Variants in NDRG2 observed in about 807,000 individuals in gnomAD.
NDRG2 encodes the protein NDRG family member 2, also known as protein NDRG2.
In NDRG2, 34 loss-of-function variants were observed where a neutral mutation model predicts 58.2. That is an observed-to-expected ratio of 0.58 (90% CI 0.44 to 0.78). The LOEUF (loss-of-function observed/expected upper bound fraction) is 0.78, where lower values mean the gene tolerates loss of function less well. Among genes scored for constraint, NDRG2 ranks in the 30% least tolerant of loss-of-function variants. The pLI, the probability that NDRG2 is intolerant of heterozygous loss-of-function variation, is 0.00. For missense variants in NDRG2, 434 were observed against 471.2 expected, an observed-to-expected ratio of 0.92 and a Z score of 0.73; for synonymous variants, 187 against 175.9, an observed-to-expected ratio of 1.06 and a Z score of -0.50.
chr14:21,050,040 G>T (rs2139133630), intron 1 of NDRG2, among the ~76,000 whole-genome samples: 1 of 152,286 alleles, frequency 6.6e-6, no homozygotes, highest in Non-Finnish European at 1.5e-5. Context: ...CTCCCAAAGT[G>T]TTGGGATTAC....
intron 6 of NDRG2, 79 bp from the exon 7 acceptor site, chr14:21,020,923 A>C: frequency 6.8e-7 from 1 of 1,468,354 alleles, no homozygotes; most frequent in Non-Finnish European, 9.4e-7. Context: ...CAAACTCTTC[A>C]CCCTCCCTCC....
chr14:21,031,478 T>C (rs1884134616), intron 1 of NDRG2, among the ~76,000 whole-genome samples: 2 of 152,206 alleles, frequency 1.3e-5, no homozygotes, highest in South Asian at 4.1e-4. Flanking sequence ...CCACTCCTCT[T>C]CCAATTCTTA....
At chr14:21,044,809 T>C (rs1049460688) in intron 1 of NDRG2, among the ~76,000 whole-genome samples, 1 of 152,098 alleles carries the variant, frequency 6.6e-6, no homozygotes, top group Non-Finnish European at 1.5e-5. Flanking sequence ...TATAAGACAT[T>C]CCCAACCCTG....
chr14:21,034,134 C>G, intron 1 of NDRG2: 4 of 1,614,174 alleles, frequency 2.5e-6, no homozygotes, highest in Non-Finnish European at 3.4e-6. Context: ...CAGACCATTA[C>G]AATAGCCCCG....
intron 1 of NDRG2, among the ~76,000 whole-genome samples, chr14:21,066,570 G>A (rs1162536346): frequency 1.3e-5 from 2 of 152,216 alleles, no homozygotes; most frequent in African/African-American, 4.8e-5. Context: ...TCTTGACCAC[G>A]TGATCCACCT....
chr14:21,020,924 C>A (rs1727206403), intron 6 of NDRG2, 80 bp from the exon 7 acceptor site: 1 of 1,468,336 alleles, frequency 6.8e-7, no homozygotes, highest in Admixed American at 1.7e-5. Context: ...AAACTCTTCA[C>A]CCTCCCTCCT....
chr14:21,031,784 A>G (rs1884186687), intron 1 of NDRG2: 1 of 1,286,106 alleles, frequency 7.8e-7, no homozygotes. Context: ...TGCCAGTGGC[A>G]GAGCAAGAGC....
rs962487318 is a variant in NDRG2 at position 21,039,825 on chromosome 14, C to T, written c.25-16504G>A. ...TCACTTTCACACAGTCCTAAGGCAG[C>T]CTTCTACGCAGCCCAGCATACTCGA... On this transcript the variant is annotated intron_variant, in intron 1 of 14. Coordinates refer to the NDRG2 transcript ENST00000403829. Among the ~76,000 whole-genome samples, 6 of 152,306 alleles carry T rather than the reference C, an allele frequency of 3.9e-5. No homozygotes were observed. In the South Asian group the frequency reaches 6.2e-4, roughly 16 times the overall value.
At chr14:21,033,985 G>T (rs533949543) in intron 1 of NDRG2, 1 of 1,613,968 alleles carries the variant, frequency 6.2e-7, no homozygotes, top group Admixed American at 1.7e-5. Context: ...TCCTGGGTGA[G>T]TGTGCAGTAT....
intron 11 of NDRG2, 100 bp from the exon 12 acceptor site, chr14:21,018,914 G>T: frequency 6.7e-7 from 1 of 1,483,484 alleles, no homozygotes; most frequent in Non-Finnish European, 9.3e-7. Flanking sequence ...CTCCAAAGAG[G>T]AAAGACACTT....
chr14:21,024,690 C>A lies in NDRG2; in HGVS notation c.-667G>T, dbSNP rs1286537743. Reference sequence around the variant, plus strand: ...TCCCCCGACGGCCCGCGAAGGCAAGCGCCATCGGGAAGGGATGGGTAGGAC... The same window carrying A: ...TCCCCCGACGGCCCGCGAAGGCAAGAGCCATCGGGAAGGGATGGGTAGGAC... On this transcript the variant is annotated 5_prime_UTR_variant, in exon 1 of 16. Coordinates refer to ENST00000556147, the MANE Select transcript of NDRG2 (RefSeq NM_001320329.2). 2.7e-5 allele frequency: 27 copies of A among 985,470 alleles called. No homozygotes were observed. Among genetic ancestry groups the A allele is most frequent in the African/African-American group, 7.0e-5 (4 of 57,368 alleles). The allele number at this position is 985,470 out of a possible 1,614,324, so 61.0% of individuals were successfully genotyped here. A position where few individuals can be genotyped will look rare whatever the true frequency, so the allele number is the denominator to read the frequency against.
chr14:21,044,516 A>G (rs1885055203), intron 1 of NDRG2, among the ~76,000 whole-genome samples: 1 of 151,790 alleles, frequency 6.6e-6, no homozygotes, highest in African/African-American at 2.4e-5. Flanking sequence ...CCTGATAATG[A>G]TCTCCCCTGC....
At chr14:21,068,367 A>G (rs1022230042) in intron 1 of NDRG2, among the ~76,000 whole-genome samples, 15 of 151,878 alleles carry the variant, frequency 9.9e-5, no homozygotes, top group Middle Eastern at 6.8e-3. Context: ...GTGGACCCCC[A>G]TAGCCAGATT....
intron 6 of NDRG2, 96 bp from the exon 7 acceptor site, chr14:21,020,940 C>T: frequency 7.4e-7 from 1 of 1,348,096 alleles, no homozygotes; most frequent in Non-Finnish European, 1.1e-6. Flanking sequence ...CTCCTGAGTC[C>T]ACGGGCACAA....
intron 1 of NDRG2, among the ~76,000 whole-genome samples, chr14:21,046,383 A>G (rs1885145437): frequency 6.6e-6 from 1 of 152,070 alleles, no homozygotes; most frequent in African/African-American, 2.4e-5. Context: ...TTAGCTGGGT[A>G]TGATGACACA....
intron 1 of NDRG2, chr14:21,048,619 C>A (rs1885318132): frequency 6.6e-6 from 1 of 152,156 alleles, no homozygotes; most frequent in South Asian, 2.1e-4. Flanking sequence ...ATCTTCACTA[C>A]CACTTCACAA....
chr14:21,060,502 T>G (rs1178017244), intron 1 of NDRG2, among the ~76,000 whole-genome samples: 1 of 152,196 alleles, frequency 6.6e-6, no homozygotes, highest in Non-Finnish European at 1.5e-5. Flanking sequence ...AGGGTCCTGT[T>G]CTGAGCTCTC....
At chr14:21,025,719 C>A, upstream of NDRG2, 1 of 984,674 alleles carries the variant, frequency 1.0e-6, no homozygotes, top group Non-Finnish European at 1.2e-6. This position sits in a 1 kb window ranked among gnomAD's most constrained non-coding sequence, Gnocchi z 5.1. Flanking sequence ...TCTCCGGCTG[C>A]TCCGGGAGAA....
chr14:21,026,333 T>C (rs1180124507), upstream of NDRG2, among the ~76,000 whole-genome samples: 1 of 135,214 alleles, frequency 7.4e-6, no homozygotes, highest in Non-Finnish European at 1.6e-5. Context: ...CCCAGGATCA[T>C]ATCCACCCCA....
Sources: gnomAD v4.1 joint callset for allele counts (sites outside exome capture counted in the v4.1 genomes callset) on GRCh38, gnomAD v4.1.1 for gene constraint, Gnocchi (gnomAD v3.1) non-coding constraint, MANE v1.5 for transcripts, NCBI Gene and HGNC (gene_info 2026-07-23, HGNC 2026-07-21) for gene names.